PUF60: variants seen among roughly 807,000 people sequenced by gnomAD.
The protein encoded by PUF60 is poly(U)-binding-splicing factor PUF60.
Under a neutral mutation model 61.8 loss-of-function variants are expected in PUF60, and 10 were observed. The observed-to-expected ratio is 0.16, with a 90% CI of 0.10 to 0.27. The LOEUF is 0.27. Ranked by LOEUF, PUF60 falls within the 10% of genes least tolerant of loss-of-function variation. The probability of loss-of-function intolerance (pLI) is 1.00; values close to 1 mark genes in which losing one functional copy is unlikely to be tolerated. For missense variants in PUF60, 371 were observed against 754.0 expected (o/e 0.49, Z 5.95); for synonymous variants, 353 against 300.9 (o/e 1.17, Z -1.79).
chr8:143,821,995 G>C, intron 2 of PUF60, 82 bp from the exon 3 acceptor site: 1 of 1,040,138 alleles, frequency 9.6e-7, no homozygotes, highest in South Asian at 1.6e-5. Context: ...CCCTAGCACA[G>C]ACTGTCCCCT....
chr8:143,818,742 G>T lies in PUF60; in HGVS notation c.349-208C>A. 1 of 612,728 alleles carries T rather than the reference G, an allele frequency of 1.6e-6. No individual in the cohort carries two copies. The highest frequency in any genetic ancestry group is 2.8e-6 in the Non-Finnish European group (1 of 355,242). The allele number at this position is 612,728 out of a possible 1,614,324, so 38.0% of individuals were successfully genotyped here. A position where few individuals can be genotyped will look rare whatever the true frequency, so the allele number is the denominator to read the frequency against. ...AGAAGGAAGGCCAGGCCCAGCGGCA[G>T]GACAGGACGCACCCCAGCCCGCCAA... is the stretch of plus-strand genomic sequence containing the variant. On this transcript the variant is annotated intron_variant, in intron 5 of 11. Coordinates refer to ENST00000526683, the MANE Select transcript of PUF60 (RefSeq NM_078480.3). The surrounding 1 kb of genome is among the most constrained non-coding windows in gnomAD (Gnocchi z 7.9).
At chr8:143,820,075 A>G (rs987043490) in intron 5 of PUF60, among the ~76,000 whole-genome samples, 1 of 151,980 alleles carries the variant, frequency 6.6e-6, no homozygotes, top group African/African-American at 2.4e-5. Flanking sequence ...CCTCCTTCCC[A>G]CACTCCTCTG....
intron 11 of PUF60, 24 bp downstream of exon 11, chr8:143,816,886 C>A: frequency 6.4e-7 from 1 of 1,566,352 alleles, no homozygotes; most frequent in Non-Finnish European, 8.7e-7. Context: ...CTCTCCCCCG[C>A]CACCACCCTG....
chr8:143,819,898 A>C (rs1046940182), intron 5 of PUF60, among the ~76,000 whole-genome samples: 2 of 151,974 alleles, frequency 1.3e-5, no homozygotes, highest in African/African-American at 4.8e-5. Context: ...GCTCCCATTC[A>C]GATGCTTCCC....
chr8:143,829,118 GCCCGC>G, intron 1 of PUF60, 157 bp downstream of exon 1: 1 of 1,164,844 alleles, frequency 8.6e-7, no homozygotes, highest in Non-Finnish European at 1.1e-6. Flanking sequence ...GCCGGCGCGC[GCCCGC>G]CCCGCCCCCG....
chr8:143,827,013 A>C (rs1817706122), intron 1 of PUF60: 2 of 256,272 alleles, frequency 7.8e-6, no homozygotes, highest in South Asian at 7.4e-5. Flanking sequence ...CCCTTCACAC[A>C]ATGAACACTG....
In PUF60 at chr8:143,824,379, T is replaced by G; in HGVS notation, c.45A>C (p.Gly15=). The change falls in exon 2 of 12, where the codon GGA becomes GGC. Residue 15 remains glycine (G), a synonymous_variant. Transcript: ENST00000526683. ...CCGCCGCCGCCGGCTCGGACCCCCC[T>G]CCTTGCTGGCCATTGACCTGCTGCA... ...TIALQVNGQQ[G]GGSEPAAAAA... 6.2e-7 allele frequency: 1 copy of G among 1,612,110 alleles called. No individual in the cohort carries two copies. Among genetic ancestry groups the G allele is most frequent in the Non-Finnish European group, 8.5e-7 (1 of 1,179,734 alleles).
Position 143,816,441 on chromosome 8 carries a change from G to T in PUF60, c.*79C>A, listed in dbSNP as rs1385644722. 1 of 1,490,520 alleles carries T rather than the reference G, an allele frequency of 6.7e-7. No homozygotes were observed. Among genetic ancestry groups the T allele is most frequent in the Non-Finnish European group, 9.0e-7 (1 of 1,111,192 alleles). The allele number at this position is 1,490,520 out of a possible 1,614,324, so 92.3% of individuals were successfully genotyped here. ...GGCTGGGCTGGGCAGAGCGCGCCTG[G>T]CCCCGGGGACACCACTGTATCACTA... On this transcript the variant is annotated 3_prime_UTR_variant, in exon 12 of 12. Transcript: ENST00000526683.
At chr8:143,821,408 A>G (rs1817005241) in intron 4 of PUF60, 189 bp downstream of exon 4, 2 of 614,306 alleles carry the variant, frequency 3.3e-6, no homozygotes, top group Admixed American at 2.7e-5. Context: ...CCAGCGAGCA[A>G]CAGGTGGGAA....
chr8:143,824,576 C>A, intron 1 of PUF60, 177 bp from the exon 2 acceptor site: 2 of 620,206 alleles, frequency 3.2e-6, no homozygotes, highest in African/African-American at 1.8e-5. Context: ...CATCAGCACG[C>A]CCAGGGACCC....
intron 4 of PUF60, 144 bp from the exon 5 acceptor site, chr8:143,820,860 G>A: frequency 5.0e-6 from 4 of 801,492 alleles, no homozygotes; most frequent in South Asian, 4.4e-5. Context: ...CCGGCCGCCA[G>A]CACCTGCCCA....
chr8:143,828,698 C>A (rs568347632), intron 1 of PUF60, among the ~76,000 whole-genome samples: 35 of 152,310 alleles, frequency 2.3e-4, no homozygotes, highest in African/African-American at 6.0e-4. Context: ...TGCGATTTCT[C>A]AAAACACGTA....
At chr8:143,820,773 C>T (rs959783412) in intron 4 of PUF60, 57 bp from the exon 5 acceptor site, 119 of 1,505,364 alleles carry the variant, frequency 7.9e-5, no homozygotes, top group Non-Finnish European at 9.6e-5. Context: ...CTCCCGCTCT[C>T]GTCAACACCT....
chr8:143,819,720 C>T (rs777876286), intron 5 of PUF60, among the ~76,000 whole-genome samples: 2 of 152,084 alleles, frequency 1.3e-5, no homozygotes, highest in African/African-American at 4.8e-5. Context: ...CAAGACCCCC[C>T]CAAAGGTGGA....
intron 1 of PUF60, among the ~76,000 whole-genome samples, chr8:143,826,076 G>C (rs768293140): frequency 2.0e-5 from 3 of 152,212 alleles, no homozygotes; most frequent in Non-Finnish European, 4.4e-5. Context: ...GGAGGAAACC[G>C]GTGTTTACAA....
rs569672003 is a variant in PUF60 at position 143,821,433 on chromosome 8, G to A, written c.297+164C>T. On this transcript the variant is annotated intron_variant, in intron 4 of 11. Transcript: ENST00000526683. ...ACAGGTGGGAAAGGCTGGGCCACTC[G>A]TGCCTCAGAGAGGACCCCGGGGGTC... The A allele has an allele frequency of 4.9e-4, 328 of 664,478 alleles. 1 individual carries two copies. The African/African-American group carries it at 5.3e-3, about 11-fold the overall frequency. The allele number at this position is 664,478 out of a possible 1,614,324, so 41.2% of individuals were successfully genotyped here. A position where few individuals can be genotyped will look rare whatever the true frequency, so the allele number is the denominator to read the frequency against.
intron 2 of PUF60, among the ~76,000 whole-genome samples, chr8:143,822,265 G>A (rs1173838553): frequency 6.6e-6 from 1 of 152,164 alleles, no homozygotes; most frequent in Admixed American, 6.5e-5. Context: ...CCCGGCAGGA[G>A]AGCCAGCCTC....
chr8:143,820,983 T>A (rs1816947055), intron 4 of PUF60, among the ~76,000 whole-genome samples: 1 of 151,192 alleles, frequency 6.6e-6, no homozygotes, highest in Non-Finnish European at 1.5e-5. Flanking sequence ...TGGAGCACAG[T>A]GAATGGCCAG....
rs375574800 is a variant in PUF60 at position 143,816,822 on chromosome 8, G to A, written c.1381-3C>T. ...TTGCGCAGAACCATCACTGTAGACTGTGGGGCAGGGCCGAGGGGAAGACAG... is the reference window on the plus strand; with the variant it reads ...TTGCGCAGAACCATCACTGTAGACTATGGGGCAGGGCCGAGGGGAAGACAG... On this transcript the variant is annotated splice_region_variant and splice_polypyrimidine_tract_variant and intron_variant, in intron 11 of 11. Coordinates refer to ENST00000526683, the MANE Select transcript of PUF60 (RefSeq NM_078480.3). 331 of 1,611,396 alleles carry A rather than the reference G, an allele frequency of 2.1e-4. No individual in the cohort carries two copies. Among genetic ancestry groups the A allele is most frequent in the Non-Finnish European group, 2.6e-4 (310 of 1,178,738 alleles).
Sources: gnomAD v4.1 joint callset for allele counts (sites outside exome capture counted in the v4.1 genomes callset) on GRCh38, gnomAD v4.1.1 for gene constraint, Gnocchi (gnomAD v3.1) non-coding constraint, MANE v1.5 for transcripts, NCBI Gene and HGNC (gene_info 2026-07-23, HGNC 2026-07-21) for gene names.